The following HOXB1 variants were observed in gnomAD, a reference collection of about 807,000 sequenced individuals.
HOXB1 encodes homeobox protein Hox-B1.
In HOXB1, 13 loss-of-function variants were observed where a neutral mutation model predicts 26.9. The ratio of observed to expected loss-of-function variants is 0.48; its 90% CI spans 0.31 to 0.77. The LOEUF is 0.77. Among genes scored for constraint, HOXB1 ranks in the 30% least tolerant of loss-of-function variants. HOXB1 has a pLI of 0.04. For missense variants in HOXB1, 366 were observed against 403.6 expected, an observed-to-expected ratio of 0.91 and a Z score of 0.80; for synonymous variants, 168 against 170.8, an observed-to-expected ratio of 0.98 and a Z score of 0.13.
chr17:48,529,397 C>A lies in HOXB1; in HGVS notation c.*150G>T. On this transcript the variant is annotated 3_prime_UTR_variant, in exon 2 of 2. Transcript: ENST00000239174. ...AGAAAAATGTTTCCCCATCCCCCCTCCCACCCCCAGGCAGCTCTAAACTGG... is the reference window on the plus strand; with the variant it reads ...AGAAAAATGTTTCCCCATCCCCCCTACCACCCCCAGGCAGCTCTAAACTGG... 14 of 497,720 alleles carry A rather than the reference C, an allele frequency of 2.8e-5. No homozygotes were observed. Among genetic ancestry groups the A allele is most frequent in the Non-Finnish European group, 4.0e-5 (12 of 300,426 alleles). 30.8% of individuals were successfully genotyped at this position (497,720 alleles called of 1,614,324 possible).
chr17:48,529,799 C>T lies in HOXB1; in HGVS notation c.654G>A (p.Leu218=). ...TNFTTRQLTE[L]EKEFHFNKYL... is the part of the protein sequence containing the mutation. ...ACTTGTTGAAATGGAACTCCTTTTC[C>T]AGTTCTGTCAGCTGCCTTGTGGTGA... Residue 218 remains leucine (L), a synonymous_variant, in exon 2 of 2, where the codon CTG becomes CTA. Coordinates refer to ENST00000239174, the MANE Select transcript of HOXB1 (RefSeq NM_002144.4). The T allele has an allele frequency of 6.2e-7, 1 of 1,602,978 alleles. No individual in the cohort carries two copies. The highest frequency in any genetic ancestry group is 8.5e-7 in the Non-Finnish European group (1 of 1,179,700).
Position 48,529,568 on chromosome 17 carries a change from T to C in HOXB1, c.885A>G (p.Ser295=). The C allele has an allele frequency of 1.3e-6, 2 of 1,533,356 alleles. No homozygotes were observed. Among genetic ancestry groups the C allele is most frequent in the African/African-American group, 1.4e-5 (1 of 72,472 alleles). The allele number at this position is 1,533,356 out of a possible 1,614,324, so 95.0% of individuals were successfully genotyped here. A position where few individuals can be genotyped will look rare whatever the true frequency, so the allele number is the denominator to read the frequency against. ...DQSTCTSPEA[S]PSSVTS ...CAGTTCAGGAGGTGACAGAGCTGGG[T>C]GAGGCTTCCGGGGAGGTGCATGTCG... The change falls in exon 2 of 2, where the codon TCA becomes TCG. Residue 295 remains serine (S), a synonymous_variant. Coordinates refer to ENST00000239174, the MANE Select transcript of HOXB1 (RefSeq NM_002144.4).
chr17:48,529,823 G>T lies in HOXB1; in HGVS notation c.630C>A (p.Phe210Leu). 1.2e-6 allele frequency: 2 copies of T among 1,600,176 alleles called. No homozygotes were observed. The highest frequency in any genetic ancestry group is 1.7e-6 in the Non-Finnish European group (2 of 1,178,972). Reference sequence around the variant, plus strand: ...CCAGTTCTGTCAGCTGCCTTGTGGTGAAGTTGGTGCGGAGGCCACTGGGCG... The same window carrying T: ...CCAGTTCTGTCAGCTGCCTTGTGGTTAAGTTGGTGCGGAGGCCACTGGGCG... ...LGSPSGLRTNFTTRQLTELEK... is the reference protein window; with the variant it reads ...LGSPSGLRTNLTTRQLTELEK... The change falls in exon 2 of 2, where the codon TTC becomes TTA. Residue 210 changes from phenylalanine to leucine, a missense_variant. Transcript: ENST00000239174.
Position 48,530,623 on chromosome 17 carries a change from C to T in HOXB1, c.282G>A (p.Gly94=), listed in dbSNP as rs1567932724. The T allele has an allele frequency of 6.2e-7, 1 of 1,613,934 alleles. No individual in the cohort carries two copies. The highest frequency in any genetic ancestry group is 1.1e-5 in the South Asian group (1 of 91,084). ...YAPAACSPSY[G]PSQYYPLGQS... Reference sequence around the variant, plus strand: ...GACCCAGAGGGTAGTACTGAGAAGGCCCGTAGCTGGGGCTGCAGGCGGCAG... The same window carrying T: ...GACCCAGAGGGTAGTACTGAGAAGGTCCGTAGCTGGGGCTGCAGGCGGCAG... The change falls in exon 1 of 2, where the codon GGG becomes GGA. Residue 94 remains glycine, a synonymous_variant. Coordinates refer to ENST00000239174, the MANE Select transcript of HOXB1 (RefSeq NM_002144.4). The surrounding 1 kb of genome is among the most constrained non-coding windows in gnomAD (Gnocchi z 6.2).
Position 48,530,695 on chromosome 17 carries a change from C to G in HOXB1, c.210G>C (p.Ser70=), listed in dbSNP as rs766938630. The G allele has an allele frequency of 1.2e-6, 2 of 1,612,926 alleles. No homozygotes were observed. Among genetic ancestry groups the G allele is most frequent in the South Asian group, 1.1e-5 (1 of 90,986 alleles). The change falls in exon 1 of 2, where the codon TCG becomes TCC. Residue 70 remains serine, a synonymous_variant. Transcript: ENST00000239174. This position sits in a 1 kb window ranked among gnomAD's most constrained non-coding sequence, Gnocchi z 6.2. ...AGCTGGGGAAGGGCACCCCCAGGGT[C>G]GAAGGCGGCTGCTGGGCGGGATAGC... ...NSGYPAQQPP[S]TLGVPFPSSA... is the part of the protein sequence containing the mutation.
chr17:48,530,141 C>T lies in HOXB1; in HGVS notation c.577+187G>A, dbSNP rs562297275. The T allele has an allele frequency of 1.2e-5, 8 of 641,598 alleles. No homozygotes were observed. Among genetic ancestry groups the T allele is most frequent in the Admixed American group, 1.1e-4 (4 of 35,296 alleles). 39.7% of individuals were successfully genotyped at this position (641,598 alleles called of 1,614,324 possible). On this transcript the variant is annotated intron_variant, in intron 1 of 1. Coordinates refer to ENST00000239174, the MANE Select transcript of HOXB1 (RefSeq NM_002144.4). This position sits in a 1 kb window ranked among gnomAD's most constrained non-coding sequence, Gnocchi z 6.2. ...AGTGGGGTGTGTATGGAAACTTACTCCTGGGGTGACCGGTTACATACTGGG... is the reference window on the plus strand; with the variant it reads ...AGTGGGGTGTGTATGGAAACTTACTTCTGGGGTGACCGGTTACATACTGGG...
Position 48,529,396 on chromosome 17 carries a change from TC to T in HOXB1, c.*150del. Reference sequence around the variant, plus strand: ...GAGAAAAATGTTTCCCCATCCCCCCTCCCACCCCCAGGCAGCTCTAAACTGG... The same window carrying T: ...GAGAAAAATGTTTCCCCATCCCCCCTCCACCCCCAGGCAGCTCTAAACTGG... On this transcript the variant is annotated 3_prime_UTR_variant, in exon 2 of 2. Transcript: ENST00000239174. The T allele has an allele frequency of 4.0e-6, 1 of 249,410 alleles. No homozygotes were observed. The highest frequency in any genetic ancestry group is 7.7e-6 in the Non-Finnish European group (1 of 129,388). The allele number at this position is 249,410 out of a possible 1,614,324, so 15.4% of individuals were successfully genotyped here. A position where few individuals can be genotyped will look rare whatever the true frequency, so the allele number is the denominator to read the frequency against.
Position 48,530,064 on chromosome 17 carries a change from C to T in HOXB1, c.578-189G>A, listed in dbSNP as rs2068424966. On this transcript the variant is annotated intron_variant, in intron 1 of 1. Coordinates refer to ENST00000239174, the MANE Select transcript of HOXB1 (RefSeq NM_002144.4). This position sits in a 1 kb window ranked among gnomAD's most constrained non-coding sequence, Gnocchi z 6.2. ...TCTGGAGCAGCCTTCCCCATACTTCCATCCCCCATGCACACCAGGTCCTGG... is the reference window on the plus strand; with the variant it reads ...TCTGGAGCAGCCTTCCCCATACTTCTATCCCCCATGCACACCAGGTCCTGG... 1.6e-6 allele frequency: 1 copy of T among 621,574 alleles called. No individual in the cohort carries two copies. The highest frequency in any genetic ancestry group is 3.0e-5 in the Admixed American group (1 of 33,870). 38.5% of individuals were successfully genotyped at this position (621,574 alleles called of 1,614,324 possible).
rs1050685977 is a variant in HOXB1 at position 48,529,374 on chromosome 17, A to G, written c.*173T>C. On this transcript the variant is annotated 3_prime_UTR_variant, in exon 2 of 2. Coordinates refer to ENST00000239174, the MANE Select transcript of HOXB1 (RefSeq NM_002144.4). The stretch of plus-strand genomic sequence containing the variant: ...GGGCCCCCAGCCACCCAGGTCTGAG[A>G]AAAATGTTTCCCCATCCCCCCTCCC... The G allele has an allele frequency of 8.5e-6, 4 of 470,470 alleles. No homozygotes were observed. Among genetic ancestry groups the G allele is most frequent in the African/African-American group, 7.9e-5 (4 of 50,724 alleles). The allele number at this position is 470,470 out of a possible 1,614,324, so 29.1% of individuals were successfully genotyped here. A position where few individuals can be genotyped will look rare whatever the true frequency, so the allele number is the denominator to read the frequency against.
rs935165545 is a variant in HOXB1, at chr17:48,530,740, A to C, written c.165T>G (p.Pro55=). 6.2e-7 allele frequency: 1 copy of C among 1,611,042 alleles called. No homozygotes were observed. Residue 55 remains proline, a synonymous_variant, in exon 1 of 2, where the codon CCT becomes CCG. Transcript: ENST00000239174. The surrounding 1 kb of genome is among the most constrained non-coding windows in gnomAD (Gnocchi z 6.2). ...GATAGCCGGAGTTCTGCTGAAACGCAGGGCTGGACAGCCCCCCACCGTAGC... is the reference window on the plus strand; with the variant it reads ...GATAGCCGGAGTTCTGCTGAAACGCCGGGCTGGACAGCCCCCCACCGTAGC... The part of the protein sequence containing the change: ...EGRYGGGLSS[P]AFQQNSGYPA...
In HOXB1 at chr17:48,529,210, A is replaced by AAGGAGGATGAATCC. The variant is rs1294589903; in HGVS notation, c.*323_*336dup. On this transcript the variant is annotated 3_prime_UTR_variant, in exon 2 of 2. Coordinates refer to ENST00000239174, the MANE Select transcript of HOXB1 (RefSeq NM_002144.4). ...CCGAATAAACCCAAGTTGGAAGGGA[A>AAGGAGGATGAATCC]AGGAGGATGAATCCAGGAGGATGAG... The AAGGAGGATGAATCC allele has an allele frequency of 4.6e-6, 1 of 218,956 alleles. No homozygotes were observed. The highest frequency in any genetic ancestry group is 9.0e-6 in the Non-Finnish European group (1 of 111,532). 13.6% of individuals were successfully genotyped at this position (218,956 alleles called of 1,614,324 possible). A position where few individuals can be genotyped will look rare whatever the true frequency, so the allele number is the denominator to read the frequency against.
In HOXB1 at chr17:48,529,448, A is replaced by C; in HGVS notation, c.*99T>G. 1.2e-6 allele frequency: 1 copy of C among 838,632 alleles called. No homozygotes were observed. The highest frequency in any genetic ancestry group is 1.7e-6 in the Non-Finnish European group (1 of 574,900). The allele number at this position is 838,632 out of a possible 1,614,324, so 51.9% of individuals were successfully genotyped here. ...CATTTCAGCCCTAGAGAGGATCCCC[A>C]GGCCAGTGAAGCCCAGGCCTGGGGT... On this transcript the variant is annotated 3_prime_UTR_variant, in exon 2 of 2. Coordinates refer to ENST00000239174, the MANE Select transcript of HOXB1 (RefSeq NM_002144.4).
Position 48,530,063 on chromosome 17 carries a change from C to G in HOXB1, c.578-188G>C, listed in dbSNP as rs1242877325. 1 of 620,894 alleles carries G rather than the reference C, an allele frequency of 1.6e-6. No homozygotes were observed. The highest frequency in any genetic ancestry group is 1.8e-5 in the African/African-American group (1 of 54,268). The allele number at this position is 620,894 out of a possible 1,614,324, so 38.5% of individuals were successfully genotyped here. ...GTCTGGAGCAGCCTTCCCCATACTT[C>G]CATCCCCCATGCACACCAGGTCCTG... On this transcript the variant is annotated intron_variant, in intron 1 of 1. Coordinates refer to ENST00000239174, the MANE Select transcript of HOXB1 (RefSeq NM_002144.4). This position sits in a 1 kb window ranked among gnomAD's most constrained non-coding sequence, Gnocchi z 6.2.
Position 48,530,400 on chromosome 17 carries a change from G to C in HOXB1, c.505C>G (p.Pro169Ala), listed in dbSNP as rs200228944. Reference protein sequence around the residue: ...LLSEDKETPCPSEPNTPTART... With the variant: ...LLSEDKETPCASEPNTPTART... ...GCCGTGGGGGTGTTAGGTTCTGAAG[G>C]GCAGGGTGTTTCCTTGTCCTCGGAG... Residue 169 changes from proline to alanine, a missense_variant, in exon 1 of 2, where the codon CCT becomes GCT. Transcript: ENST00000239174. The surrounding 1 kb of genome is among the most constrained non-coding windows in gnomAD (Gnocchi z 6.2). 5.6e-6 allele frequency: 9 copies of C among 1,613,990 alleles called. No individual in the cohort carries two copies. The Admixed American group carries it at 1.0e-4, about 18-fold the overall frequency.
At position 48,529,148 on chromosome 17, in the gene HOXB1, T is replaced by TGC. The variant is rs2068416072; in HGVS notation, c.*397_*398dup. 2 of 163,948 alleles carry TGC rather than the reference T, an allele frequency of 1.2e-5. No homozygotes were observed. Among genetic ancestry groups the TGC allele is most frequent in the South Asian group, 4.0e-4 (2 of 5,012 alleles). The allele number at this position is 163,948 out of a possible 1,614,324, so 10.2% of individuals were successfully genotyped here. ...CTAGAAGGGGGAGTTAGGATAAGAG[T>TGC]GCGTGAGGAGACTCCTCAAAGCTCG... On this transcript the variant is annotated 3_prime_UTR_variant, in exon 2 of 2. Transcript: ENST00000239174.
rs1235310388 is a variant in HOXB1 at position 48,529,480 on chromosome 17, G to C, written c.*67C>G. 8.0e-7 allele frequency: 1 copy of C among 1,249,614 alleles called. No homozygotes were observed. The highest frequency in any genetic ancestry group is 1.5e-5 in the African/African-American group (1 of 66,116). The allele number at this position is 1,249,614 out of a possible 1,614,324, so 77.4% of individuals were successfully genotyped here. On this transcript the variant is annotated 3_prime_UTR_variant, in exon 2 of 2. Transcript: ENST00000239174. ...TGAAGCCCAGGCCTGGGGTTGGGGAGAGCCTGGGATAGGGCTGGACTGGGG... is the reference window on the plus strand; with the variant it reads ...TGAAGCCCAGGCCTGGGGTTGGGGACAGCCTGGGATAGGGCTGGACTGGGG...
At position 48,529,753 on chromosome 17, in the gene HOXB1, C is replaced by T; in HGVS notation, c.700G>A (p.Val234Met). ...FNKYLSRARR[V>M]EIAATLELNE... ...AGCTCCAGGGTGGCGGCAATCTCCA[C>T]CCTCCGGGCCCGGCTCAGGTACTTG... Residue 234 changes from valine to methionine, a missense_variant, in exon 2 of 2, where the codon GTG becomes ATG. Physicochemically the swap from Val to Met is conservative, Grantham distance 21 (BLOSUM62 1). Transcript: ENST00000239174. 1 of 1,610,706 alleles carries T rather than the reference C, an allele frequency of 6.2e-7. No homozygotes were observed. The highest frequency in any genetic ancestry group is 8.5e-7 in the Non-Finnish European group (1 of 1,179,950).
Position 48,530,418 on chromosome 17 carries a change from C to A in HOXB1, c.487G>T (p.Asp163Tyr). The A allele has an allele frequency of 6.2e-7, 1 of 1,614,152 alleles. No individual in the cohort carries two copies. Among genetic ancestry groups the A allele is most frequent in the East Asian group, 2.2e-5 (1 of 44,878 alleles). Reference sequence around the variant, plus strand: ...TCTGAAGGGCAGGGTGTTTCCTTGTCCTCGGAGAGGAGATCAGCATAGGCC... The same window carrying A: ...TCTGAAGGGCAGGGTGTTTCCTTGTACTCGGAGAGGAGATCAGCATAGGCC... ...APAYADLLSE[D>Y]KETPCPSEPN... is the part of the protein sequence containing the mutation. Residue 163 changes from aspartate (D) to tyrosine (Y), a missense_variant, in exon 1 of 2, where the codon GAC becomes TAC. By Grantham distance (160) the Asp-to-Tyr change is radical. Coordinates refer to ENST00000239174, the MANE Select transcript of HOXB1 (RefSeq NM_002144.4). This position sits in a 1 kb window ranked among gnomAD's most constrained non-coding sequence, Gnocchi z 6.2.
rs754342028 is a variant in HOXB1 at position 48,530,701 on chromosome 17, C to T, written c.204G>A (p.Pro68=). The part of the protein sequence containing the change: ...QQNSGYPAQQ[P]PSTLGVPFPS... Reference sequence around the variant, plus strand: ...GGAAGGGCACCCCCAGGGTCGAAGGCGGCTGCTGGGCGGGATAGCCGGAGT... The same window carrying T: ...GGAAGGGCACCCCCAGGGTCGAAGGTGGCTGCTGGGCGGGATAGCCGGAGT... The change falls in exon 1 of 2, where the codon CCG becomes CCA. Residue 68 remains proline, a synonymous_variant. Coordinates refer to ENST00000239174, the MANE Select transcript of HOXB1 (RefSeq NM_002144.4). This position sits in a 1 kb window ranked among gnomAD's most constrained non-coding sequence, Gnocchi z 6.2. The T allele has an allele frequency of 6.8e-6, 11 of 1,612,548 alleles. No individual in the cohort carries two copies. Among genetic ancestry groups the T allele is most frequent in the South Asian group, 2.2e-5 (2 of 90,950 alleles).
Sources: allele counts gnomAD v4.1 joint callset, GRCh38; gene constraint gnomAD v4.1.1; non-coding constraint Gnocchi (gnomAD v3.1); transcripts MANE v1.5; gene names NCBI Gene and HGNC (gene_info 2026-07-23, HGNC 2026-07-21).